SCRN1: variants seen among roughly 807,000 people sequenced by gnomAD.
SCRN1 encodes secernin-1.
A neutral mutation model predicts 43.3 loss-of-function variants in SCRN1; 19 were observed. The ratio of observed to expected loss-of-function variants is 0.44; its 90% CI spans 0.31 to 0.64. SCRN1 has a LOEUF of 0.64. Ranked by LOEUF, SCRN1 falls within the 30% of genes least tolerant of loss-of-function variation. The probability of loss-of-function intolerance (pLI) is 0.09; values close to 1 mark genes in which losing one functional copy is unlikely to be tolerated. For missense variants in SCRN1, 447 were observed against 524.1 expected (o/e 0.85, Z 1.44); for synonymous variants, 183 against 188.9 (o/e 0.97, Z 0.26).
intron 2 of SCRN1, among the ~76,000 whole-genome samples, chr7:29,957,992 T>C (rs1788190712): frequency 6.6e-6 from 1 of 152,164 alleles, no homozygotes; most frequent in African/African-American, 2.4e-5. Context: ...GTTCAAAATA[T>C]ATGCAGCCAA....
intron 1 of SCRN1, among the ~76,000 whole-genome samples, chr7:29,973,753 T>C (rs778565570): frequency 3.9e-5 from 6 of 152,102 alleles, no homozygotes; most frequent in Non-Finnish European, 7.4e-5. Flanking sequence ...ATGATGAAAA[T>C]AGAATAAGTA....
At chr7:29,941,559 AGT>A (rs1314585929) in intron 4 of SCRN1, among the ~76,000 whole-genome samples, 1 of 152,118 alleles carries the variant, frequency 6.6e-6, no homozygotes, top group African/African-American at 2.4e-5. Context: ...CATGCGTGTG[AGT>A]GTGTGAGATA....
chr7:29,982,506 C>T (rs2127932446), intron 1 of SCRN1, among the ~76,000 whole-genome samples: 1 of 151,626 alleles, frequency 6.6e-6, no homozygotes, highest in East Asian at 1.9e-4. Flanking sequence ...CCAAGGAGAC[C>T]CTATCTCTAC....
intron 2 of SCRN1, among the ~76,000 whole-genome samples, chr7:29,962,627 G>A (rs1788363658): frequency 6.6e-6 from 1 of 152,154 alleles, no homozygotes; most frequent in Admixed American, 6.5e-5. Flanking sequence ...GGCAGAGGTT[G>A]CAGTGAGCTG....
chr7:29,945,854 C>T (rs1787719805), intron 3 of SCRN1, among the ~76,000 whole-genome samples: 1 of 152,112 alleles, frequency 6.6e-6, no homozygotes, highest in South Asian at 2.1e-4. Context: ...AATTATAATT[C>T]AGGTGGCAGG....
rs57488438 is a variant in SCRN1, at chr7:29,935,643, C to T, written c.905+913G>A. 6.6e-5 allele frequency among the ~76,000 whole-genome samples: 10 copies of T among 152,300 alleles called. No individual in the cohort carries two copies. In the East Asian group the frequency reaches 1.9e-3, roughly 29 times the overall value. On this transcript the variant is annotated intron_variant, in intron 6 of 7. Coordinates refer to ENST00000242059, the MANE Select transcript of SCRN1 (RefSeq NM_014766.5). The stretch of plus-strand genomic sequence containing the variant: ...AGGAATCTGTATTTTTTGAAAACTC[C>T]TCCAAGTGATTCTAGCAATGAACAG...
Position 29,985,159 on chromosome 7 carries a change from C to T in SCRN1, c.-2+4483G>A, listed in dbSNP as rs562218637. 6.5e-4 allele frequency among the ~76,000 whole-genome samples: 94 copies of T among 143,842 alleles called. 12 individuals carry two copies. Among genetic ancestry groups the T allele is most frequent in the African/African-American group, 2.3e-3 (89 of 37,910 alleles). 94.4% of individuals were successfully genotyped at this position (143,842 alleles called of 152,430 possible). On this transcript the variant is annotated intron_variant, in intron 1 of 7. Transcript: ENST00000242059. ...CGGTGGCTCACACCTGTAATCCCAG[C>T]ACTTGGGAGACTGAGGCAGGCGGAT...
At chr7:29,985,503 G>A (rs1789121532) in intron 1 of SCRN1, among the ~76,000 whole-genome samples, 1 of 152,106 alleles carries the variant, frequency 6.6e-6, no homozygotes, top group African/African-American at 2.4e-5. Context: ...CCAGAGCTAG[G>A]TCCCAGGTCC....
chr7:29,973,429 T>C (rs1478047824), intron 1 of SCRN1, among the ~76,000 whole-genome samples: 1 of 152,102 alleles, frequency 6.6e-6, no homozygotes, highest in Non-Finnish European at 1.5e-5. Context: ...GACAGGTGAA[T>C]GGAGGGAGAA....
In SCRN1 at chr7:29,936,873, C is replaced by T. The variant is rs1583656940; in HGVS notation, c.740-152G>A. The T allele has an allele frequency of 1.6e-5, 7 of 436,588 alleles. No individual in the cohort carries two copies. The South Asian group carries it at 3.6e-4, about 23-fold the overall frequency. 27.0% of individuals were successfully genotyped at this position (436,588 alleles called of 1,614,324 possible). ...CATCCTGCATAACACGGTGAAACCC[C>T]GTCTGTACTAAAAATACAAAAAAAA... On this transcript the variant is annotated intron_variant, in intron 5 of 7. Coordinates refer to ENST00000242059, the MANE Select transcript of SCRN1 (RefSeq NM_014766.5).
At chr7:29,941,580 G>T (rs891176339) in intron 4 of SCRN1, among the ~76,000 whole-genome samples, 6 of 152,160 alleles carry the variant, frequency 3.9e-5, no homozygotes, top group African/African-American at 1.4e-4. Flanking sequence ...TAAAGTGTGT[G>T]CATGCGTGTG....
rs1786822182 is a variant in SCRN1, at chr7:29,923,093, G to A, written c.*864C>T. 6.6e-6 allele frequency: 1 copy of A among 152,188 alleles called. No homozygotes were observed. The highest frequency in any genetic ancestry group is 2.1e-4 in the South Asian group (1 of 4,818). 9.4% of individuals were successfully genotyped at this position (152,188 alleles called of 1,614,324 possible). ...CCATAGGGCCATTCAATTACTCCTA[G>A]ACTAGCTGTTGGTAACTAGACTGGG... On this transcript the variant is annotated 3_prime_UTR_variant, in exon 8 of 8. Transcript: ENST00000242059.
intron 7 of SCRN1, among the ~76,000 whole-genome samples, chr7:29,924,550 A>G (rs1250891822): frequency 1.3e-5 from 2 of 152,212 alleles, no homozygotes; most frequent in East Asian, 3.9e-4. Flanking sequence ...GCTTCCTTGC[A>G]AAGCCTTTCC....
chr7:29,925,346 T>G (rs922158748), intron 7 of SCRN1, among the ~76,000 whole-genome samples: 1 of 152,204 alleles, frequency 6.6e-6, no homozygotes, highest in Non-Finnish European at 1.5e-5. Flanking sequence ...GATTTTTCTC[T>G]TGATATCCTT....
rs984161783 is a variant in SCRN1, at chr7:29,965,215, T to A, written c.159+3694A>T. Among the ~76,000 whole-genome samples the A allele has an allele frequency of 6.6e-6, 1 of 152,134 alleles. No homozygotes were observed. The highest frequency in any genetic ancestry group is 1.5e-5 in the Non-Finnish European group (1 of 68,014). ...CAGTTGGGAAGAGTTCTGAATGGCA[T>A]ACAAATCAGCTTGGACTCTCATCCT... On this transcript the variant is annotated intron_variant, in intron 2 of 7. Coordinates refer to ENST00000242059, the MANE Select transcript of SCRN1 (RefSeq NM_014766.5). The surrounding 1 kb of genome is among the most constrained non-coding windows in gnomAD (Gnocchi z 4.2).
At chr7:29,955,694 C>A (rs1400689648) in intron 2 of SCRN1, among the ~76,000 whole-genome samples, 1 of 152,160 alleles carries the variant, frequency 6.6e-6, no homozygotes, top group Admixed American at 6.5e-5. Flanking sequence ...ATATTGAACA[C>A]AGCTATTTAC....
At chr7:29,975,815 T>G (rs1250013119) in intron 1 of SCRN1, among the ~76,000 whole-genome samples, 1 of 152,256 alleles carries the variant, frequency 6.6e-6, no homozygotes, top group Non-Finnish European at 1.5e-5. Context: ...CTAATTTAAC[T>G]CCCATAGATG....
At chr7:29,970,474 C>T (rs1788633966) in intron 1 of SCRN1, among the ~76,000 whole-genome samples, 1 of 152,194 alleles carries the variant, frequency 6.6e-6, no homozygotes, top group African/African-American at 2.4e-5. Flanking sequence ...ACTATACACT[C>T]TCATAGAATC....
In SCRN1 at chr7:29,943,980, T is replaced by G. The variant is rs1391262906; in HGVS notation, c.541A>C (p.Thr181Pro). The G allele has an allele frequency of 6.2e-7, 1 of 1,614,140 alleles. No homozygotes were observed. The highest frequency in any genetic ancestry group is 8.5e-7 in the Non-Finnish European group (1 of 1,180,016). The change falls in exon 4 of 8, where the codon ACA (threonine) becomes CCA (proline). Residue 181 changes from threonine to proline, a missense_variant. Thr to Pro is a conservative substitution (Grantham distance 38). Transcript: ENST00000242059. ...IGKYWAAEKVTEGVRCICSQL... is the reference protein window; with the variant it reads ...IGKYWAAEKVPEGVRCICSQL... Reference sequence around the variant, plus strand: ...TCCATCATCCACACCCACTCACCTGTGACTTTCTCGGCAGCCCAGTACTTC... The same window carrying G: ...TCCATCATCCACACCCACTCACCTGGGACTTTCTCGGCAGCCCAGTACTTC...
Sources: gnomAD v4.1 joint callset for allele counts (sites outside exome capture counted in the v4.1 genomes callset) on GRCh38, gnomAD v4.1.1 for gene constraint, Gnocchi (gnomAD v3.1) non-coding constraint, MANE v1.5 for transcripts, NCBI Gene and HGNC (gene_info 2026-07-23, HGNC 2026-07-21) for gene names.